The following SETBP1 variants were observed in gnomAD, a reference collection of about 807,000 sequenced individuals.
SETBP1 encodes SET binding protein 1, also known as SET-binding protein.
Under a neutral mutation model 101.0 loss-of-function variants are expected in SETBP1, and 9 were observed. The ratio of observed to expected loss-of-function variants is 0.09; its 90% confidence interval spans 0.05 to 0.16. The LOEUF is 0.16. Ranked by LOEUF, SETBP1 falls within the 10% of genes least tolerant of loss-of-function variation. The pLI is 1.00. For synonymous variants in SETBP1, 818 were observed against 788.5 expected (o/e 1.04, Z -0.63); for missense variants, 1,858 against 2,033.8 (o/e 0.91, Z 1.66).
rs1287902385 is a variant in SETBP1 at position 44,952,382 on chromosome 18, G to A, written c.3042G>A (p.Lys1014=). 1.2e-6 allele frequency: 2 copies of A among 1,614,018 alleles called. No individual in the cohort carries two copies. The highest frequency in any genetic ancestry group is 1.7e-6 in the Non-Finnish European group (2 of 1,180,036). The stretch of plus-strand genomic sequence containing the variant: ...ATCTTCGTAGGACTTCAGACTTGAA[G>A]TCAAAGAAGAAGCGTGGTAGGCCTG... ...LLYLRRTSDL[K]SKKKRGRPAK... Residue 1014 remains lysine, a synonymous_variant, in exon 4 of 6, where the codon AAG becomes AAA. Coordinates refer to ENST00000649279, the MANE Select transcript of SETBP1 (RefSeq NM_015559.3).
At chr18:44,943,674 A>G (rs1043943275) in intron 3 of SETBP1, among the ~76,000 whole-genome samples, 5 of 152,172 alleles carry the variant, frequency 3.3e-5, no homozygotes, top group African/African-American at 1.2e-4. Context: ...CTAGTCACAC[A>G]GCTTGTGGTT....
intron 3 of SETBP1, among the ~76,000 whole-genome samples, chr18:44,925,517 G>C (rs901525315): frequency 6.6e-6 from 1 of 152,170 alleles, no homozygotes; most frequent in African/African-American, 2.4e-5. Context: ...TTTGTTTTCT[G>C]TTCTCCTTCC....
chr18:45,019,794 T>A (rs979095870), intron 4 of SETBP1, among the ~76,000 whole-genome samples: 1 of 152,220 alleles, frequency 6.6e-6, no homozygotes, highest in African/African-American at 2.4e-5. Flanking sequence ...GACAAGAATT[T>A]TTTTTTATAC....
chr18:45,006,336 A>T (rs771078344), intron 4 of SETBP1, among the ~76,000 whole-genome samples: 10 of 152,000 alleles, frequency 6.6e-5, no homozygotes, highest in Non-Finnish European at 1.2e-4. Flanking sequence ...CTTGTTCTTT[A>T]ATTGTTCCTT....
At chr18:44,953,976 C>T (rs930427098) in intron 4 of SETBP1, among the ~76,000 whole-genome samples, 5 of 152,200 alleles carry the variant, frequency 3.3e-5, no homozygotes, top group Non-Finnish European at 7.3e-5. Flanking sequence ...TTGTCATTTT[C>T]GTGCACTAAG....
chr18:44,904,370 CAT>C (rs760476159), intron 3 of SETBP1, among the ~76,000 whole-genome samples: 1 of 152,104 alleles, frequency 6.6e-6, no homozygotes, highest in Non-Finnish European at 1.5e-5. Context: ...GTTTCATGGG[CAT>C]ATGTCACCTC....
At chr18:44,931,841 G>A (rs1599339301) in intron 3 of SETBP1, among the ~76,000 whole-genome samples, 1 of 152,050 alleles carries the variant, frequency 6.6e-6, no homozygotes, top group South Asian at 2.1e-4. Context: ...GTCTCTGCAC[G>A]TGAGATGGGT....
At chr18:44,709,812 A>ATTTTTTTTT (rs35610551) in intron 2 of SETBP1, among the ~76,000 whole-genome samples, 1 of 121,602 alleles carries the variant, frequency 8.2e-6, no homozygotes. Flanking sequence ...ATCACTAATG[A>ATTTTTTTTT]TTTTTTTTTT....
intron 2 of SETBP1, among the ~76,000 whole-genome samples, chr18:44,761,113 C>T (rs1200691587): frequency 2.0e-5 from 3 of 152,032 alleles, no homozygotes; most frequent in Non-Finnish European, 4.4e-5. Flanking sequence ...ATTTTTAAAG[C>T]ATGTTTTATT....
In SETBP1 at chr18:44,925,007, G is replaced by GTT. The variant is rs60718477; in HGVS notation, c.541-24847_541-24846dup. On this transcript the variant is annotated intron_variant, in intron 3 of 5. Transcript: ENST00000649279. ...CTTTTTCCTTCTTGATCCTGTGTGA[G>GTT]TTTTTTTTTTTTTTTTTTTTTTTTT... Among the ~76,000 whole-genome samples the GTT allele has an allele frequency of 9.6e-4, 44 of 45,938 alleles. 2 individuals carry two copies. The highest frequency in any genetic ancestry group is 4.5e-3 in the East Asian group (5 of 1,102). 30.1% of individuals were successfully genotyped at this position (45,938 alleles called of 152,430 possible).
intron 2 of SETBP1, among the ~76,000 whole-genome samples, chr18:44,818,762 C>T (rs1248705689): frequency 1.3e-5 from 2 of 150,046 alleles, no homozygotes; most frequent in Non-Finnish European, 3.0e-5. Flanking sequence ...CTCACACACA[C>T]ACACACACAC....
intron 4 of SETBP1, among the ~76,000 whole-genome samples, chr18:44,956,671 G>A (rs933781402): frequency 4.6e-5 from 7 of 152,234 alleles, no homozygotes; most frequent in Non-Finnish European, 8.8e-5. Flanking sequence ...AGAATTAGAA[G>A]CAGAGTCAAG....
intron 2 of SETBP1, among the ~76,000 whole-genome samples, chr18:44,789,641 C>T (rs2071328246): frequency 6.6e-6 from 1 of 152,188 alleles, no homozygotes; most frequent in Admixed American, 6.5e-5. Flanking sequence ...CTGTTTTACT[C>T]TGCTTCTCTT....
Position 44,953,254 on chromosome 18 carries a change from G to C in SETBP1, c.3914G>C (p.Gly1305Ala). ...GGGAGTAAAAGGAGGAGCTATGAAG[G>C]CTTTGGAACGTACAGGGAAAAGGAC... The part of the protein sequence containing the change: ...VSGSKRRSYE[G>A]FGTYREKDIQ... The change falls in exon 4 of 6, where the codon GGC becomes GCC. Residue 1305 changes from glycine to alanine, a missense_variant. Coordinates refer to ENST00000649279, the MANE Select transcript of SETBP1 (RefSeq NM_015559.3). 6.2e-7 allele frequency: 1 copy of C among 1,614,136 alleles called. No homozygotes were observed. Among genetic ancestry groups the C allele is most frequent in the Non-Finnish European group, 8.5e-7 (1 of 1,180,042 alleles).
At chr18:44,827,559 T>G (rs2072264102) in intron 2 of SETBP1, among the ~76,000 whole-genome samples, 1 of 152,208 alleles carries the variant, frequency 6.6e-6, no homozygotes, top group Admixed American at 6.5e-5. Context: ...GACGGTCTTT[T>G]GTGGTTTGCC....
chr18:44,832,562 C>T (rs567496724), intron 2 of SETBP1, among the ~76,000 whole-genome samples: 1 of 152,316 alleles, frequency 6.6e-6, no homozygotes, highest in Admixed American at 6.5e-5. Context: ...ACTAGATATC[C>T]ATAGTTATTC....
chr18:45,035,788 T>A (rs2073384282), intron 4 of SETBP1, among the ~76,000 whole-genome samples: 1 of 152,220 alleles, frequency 6.6e-6, no homozygotes, highest in Admixed American at 6.5e-5. Flanking sequence ...AGCTGTTCTG[T>A]GGAAATTCTG....
intron 2 of SETBP1, among the ~76,000 whole-genome samples, chr18:44,722,473 A>G (rs545385832): frequency 6.6e-6 from 1 of 152,094 alleles, no homozygotes; most frequent in East Asian, 1.9e-4. Flanking sequence ...TTAGAGTAGT[A>G]TTTGCTACCA....
chr18:44,844,953 G>A (rs919541629), intron 2 of SETBP1, among the ~76,000 whole-genome samples: 1 of 152,206 alleles, frequency 6.6e-6, no homozygotes, highest in Admixed American at 6.5e-5. Context: ...CTTGGGGCCA[G>A]GAGAGAGATT....
Sources: gnomAD v4.1 joint callset for allele counts (sites outside exome capture counted in the v4.1 genomes callset) on GRCh38, gnomAD v4.1.1 for gene constraint, MANE v1.5 for transcripts, NCBI Gene and HGNC (gene_info 2026-07-23, HGNC 2026-07-21) for gene names.